CEP57L1: variants seen among roughly 807,000 people sequenced by gnomAD.
CEP57L1 encodes centrosomal protein CEP57L1.
Under a neutral mutation model 61.0 loss-of-function variants are expected in CEP57L1, and 37 were observed. The ratio of observed to expected loss-of-function variants is 0.61; its 90% CI spans 0.47 to 0.80. The LOEUF (loss-of-function observed/expected upper bound fraction) is 0.80, where lower values mean the gene tolerates loss of function less well. Among genes scored for constraint, CEP57L1 ranks in the 30% least tolerant of loss-of-function variants. The pLI, the probability that CEP57L1 is intolerant of heterozygous loss-of-function variation, is 0.00. For missense variants in CEP57L1, 422 were observed against 524.7 expected (o/e 0.80, Z 1.91); for synonymous variants, 137 against 162.3 (o/e 0.84, Z 1.19).
intron 1 of CEP57L1, among the ~76,000 whole-genome samples, chr6:109,116,089 T>C: frequency 6.8e-6 from 1 of 147,526 alleles, no homozygotes; most frequent in East Asian, 1.9e-4. Context: ...TTAAGCATTT[T>C]ATTTTATTTT....
intron 9 of CEP57L1, 54 bp downstream of exon 9, chr6:109,159,516 C>G: frequency 2.0e-6 from 3 of 1,529,994 alleles, no homozygotes; most frequent in South Asian, 1.2e-5. Flanking sequence ...GCTATGTTGC[C>G]CAGGCTAGTC....
chr6:109,160,470 C>A, intron 9 of CEP57L1, 102 bp from the exon 10 acceptor site: 1 of 906,540 alleles, frequency 1.1e-6, no homozygotes, highest in East Asian at 2.8e-5. Context: ...TAATATTTAA[C>A]TCTGACTAAA....
chr6:109,137,257 T>C (rs370155980), intron 1 of CEP57L1, among the ~76,000 whole-genome samples: 6 of 152,154 alleles, frequency 3.9e-5, no homozygotes, highest in African/African-American at 1.2e-4. Context: ...TAGTTTAGTA[T>C]CCCATCCTTT....
At chr6:109,112,591 T>C (rs1771791710) in intron 1 of CEP57L1, among the ~76,000 whole-genome samples, 1 of 152,174 alleles carries the variant, frequency 6.6e-6, no homozygotes, top group Non-Finnish European at 1.5e-5. Flanking sequence ...CTAGTTCTTT[T>C]CATTGTGATG....
At chr6:109,136,456 C>T (rs535138091) in intron 1 of CEP57L1, among the ~76,000 whole-genome samples, 13 of 151,828 alleles carry the variant, frequency 8.6e-5, no homozygotes, top group Middle Eastern at 3.4e-3. Context: ...AGGAGATAAA[C>T]CTAATGTAAA....
chr6:109,145,179 A>G (rs1771818964), intron 1 of CEP57L1, 40 bp from the exon 2 acceptor site: 2 of 1,234,798 alleles, frequency 1.6e-6, no homozygotes, highest in Non-Finnish European at 1.1e-6. Context: ...CCCTTAAAAT[A>G]GGAAAGCATG....
chr6:109,148,304 T>A (rs1485726954), intron 3 of CEP57L1, among the ~76,000 whole-genome samples: 1 of 151,812 alleles, frequency 6.6e-6, no homozygotes, highest in Non-Finnish European at 1.5e-5. Context: ...GAGTGCGATG[T>A]TCCCCTTCCT....
chr6:109,147,224 C>A (rs762340872), intron 3 of CEP57L1, among the ~76,000 whole-genome samples: 74 of 152,118 alleles, frequency 4.9e-4, no homozygotes, highest in Non-Finnish European at 2.8e-4. Flanking sequence ...GAATAGCCAA[C>A]AAACTCCAAT....
intron 3 of CEP57L1, among the ~76,000 whole-genome samples, chr6:109,149,021 C>G (rs1401867828): frequency 3.3e-5 from 5 of 151,946 alleles, no homozygotes; most frequent in Admixed American, 3.3e-4. Context: ...GGATATTAGC[C>G]CTTTGTCAGA....
chr6:109,130,517 T>C (rs973248870), intron 1 of CEP57L1, among the ~76,000 whole-genome samples: 2 of 152,096 alleles, frequency 1.3e-5, no homozygotes, highest in African/African-American at 4.8e-5. Flanking sequence ...TATGGTGAAT[T>C]GTGCTTCTAC....
intron 1 of CEP57L1, among the ~76,000 whole-genome samples, chr6:109,139,823 G>T (rs1188938043): frequency 2.0e-5 from 3 of 148,342 alleles, no homozygotes; most frequent in Non-Finnish European, 3.0e-5. Context: ...AGAGAGAAGG[G>T]GTTTCACGAT....
At chr6:109,103,038 T>G (rs1770513821) in intron 1 of CEP57L1, among the ~76,000 whole-genome samples, 1 of 152,222 alleles carries the variant, frequency 6.6e-6, no homozygotes, top group Admixed American at 6.5e-5. Context: ...TTGTCTACAT[T>G]GCTGGTTTTT....
chr6:109,113,240 A>G (rs1327264369), intron 1 of CEP57L1, among the ~76,000 whole-genome samples: 2 of 152,040 alleles, frequency 1.3e-5, no homozygotes, highest in East Asian at 3.9e-4. Flanking sequence ...CTTTAAGCCA[A>G]TTTATCTTCA....
intron 4 of CEP57L1, among the ~76,000 whole-genome samples, chr6:109,150,645 G>C (rs1434141463): frequency 7.0e-6 from 1 of 143,486 alleles, no homozygotes; most frequent in African/African-American, 2.6e-5. Flanking sequence ...CTGGACGACA[G>C]AGCAAGACTC....
chr6:109,151,119 AG>A (rs1403684820), intron 4 of CEP57L1, among the ~76,000 whole-genome samples: 18 of 152,234 alleles, frequency 1.2e-4, no homozygotes, highest in African/African-American at 4.1e-4. Flanking sequence ...CTTATATGTT[AG>A]GAAGAAGTAA....
At chr6:109,155,146 C>A in intron 5 of CEP57L1, 84 bp from the exon 6 acceptor site, 1 of 645,422 alleles carries the variant, frequency 1.5e-6, no homozygotes, top group Non-Finnish European at 2.5e-6. Context: ...GAATCAAGAC[C>A]CCCTAGGACT....
At chr6:109,125,478 T>C (rs1382584219) in intron 1 of CEP57L1, among the ~76,000 whole-genome samples, 1 of 147,934 alleles carries the variant, frequency 6.8e-6, no homozygotes, top group East Asian at 1.9e-4. Flanking sequence ...CTGAGTGCCA[T>C]TAGTTTTTAA....
chr6:109,138,801 A>G (rs1053734663), intron 1 of CEP57L1, among the ~76,000 whole-genome samples: 3 of 152,190 alleles, frequency 2.0e-5, no homozygotes, highest in Non-Finnish European at 4.4e-5. Context: ...CCCCTTGTCC[A>G]TGAGGGGTAT....
Position 109,136,981 on chromosome 6 carries a change from G to C in CEP57L1, c.-3-8238G>C, listed in dbSNP as rs148343073. On this transcript the variant is annotated intron_variant, in intron 1 of 10. Transcript: ENST00000517392. ...GGCCAGGCTGGTCTTGAACTCCTGG[G>C]GTCTCAAGCAATCCGCCCACCTCCG... 2.4e-3 allele frequency among the ~76,000 whole-genome samples: 367 copies of C among 151,974 alleles called. 2 individuals carry two copies. The highest frequency in any genetic ancestry group is 8.3e-3 in the African/African-American group (346 of 41,488).
Sources: allele counts gnomAD v4.1 joint callset (sites outside exome capture counted in the v4.1 genomes callset), GRCh38; gene constraint gnomAD v4.1.1; transcripts MANE v1.5; gene names NCBI Gene and HGNC (gene_info 2026-07-23, HGNC 2026-07-21).